SF3A1: variants seen among roughly 807,000 people sequenced by gnomAD.
SF3A1 encodes splicing factor 3a subunit 1.
SF3A1 carries 13 observed loss-of-function variants against 89.9 expected under a neutral mutation model. That is an observed-to-expected ratio of 0.14 (90% CI 0.09 to 0.23). The LOEUF (loss-of-function observed/expected upper bound fraction) is 0.23, where lower values mean the gene tolerates loss of function less well. SF3A1 is among the 10% of genes least tolerant of loss of function. The probability of loss-of-function intolerance (pLI) is 1.00; values close to 1 mark genes in which losing one functional copy is unlikely to be tolerated. For missense variants in SF3A1, 604 were observed against 1,022.1 expected (o/e 0.59, Z 5.58); for synonymous variants, 405 against 374.4 (o/e 1.08, Z -0.94).
chr22:30,336,736 C>T (rs1931078733), intron 13 of SF3A1, among the ~76,000 whole-genome samples: 1 of 152,180 alleles, frequency 6.6e-6, no homozygotes. Context: ...GTTGTGCTGC[C>T]CGTGCTGCTG....
At chr22:30,349,003 T>C (rs908010151) in intron 2 of SF3A1, among the ~76,000 whole-genome samples, 1 of 152,218 alleles carries the variant, frequency 6.6e-6, no homozygotes, top group African/African-American at 2.4e-5. Flanking sequence ...CCAGAAGGAA[T>C]AGATTTCAAC....
chr22:30,342,474 A>G (rs1333107991), intron 5 of SF3A1, 124 bp from the exon 6 acceptor site: 8 of 1,121,288 alleles, frequency 7.1e-6, no homozygotes, highest in Non-Finnish European at 1.0e-5. Context: ...GTATGGTTCC[A>G]AACTATGGCA....
intron 1 of SF3A1, among the ~76,000 whole-genome samples, chr22:30,355,120 G>A (rs1931735505): frequency 6.6e-6 from 1 of 152,004 alleles, no homozygotes; most frequent in African/African-American, 2.4e-5. Flanking sequence ...TGCTTCCCAG[G>A]TTCAAGCAAT....
rs774519141 is a variant in SF3A1, at chr22:30,337,787, C to T, written c.1854G>A (p.Pro618=). The change falls in exon 12 of 16, where the codon CCG becomes CCA. Residue 618 remains proline (P), a synonymous_variant. Transcript: ENST00000215793. The part of the protein sequence containing the change: ...LPPGSVIAPM[P]PIIHAPRINV... ...TGATTCTGGGCGCGTGGATGATGGG[C>T]GGCATGGGGGCGATCACTGAGCCTG... 4.6e-5 allele frequency: 74 copies of T among 1,596,968 alleles called. No homozygotes were observed. Among genetic ancestry groups the T allele is most frequent in the South Asian group, 2.1e-4 (18 of 87,562 alleles).
At chr22:30,337,591 TG>T (rs1601690882) in intron 12 of SF3A1, 98 bp downstream of exon 12, 2 of 736,614 alleles carry the variant, frequency 2.7e-6, no homozygotes, top group African/African-American at 1.7e-5. Context: ...GATACCCTGC[TG>T]GAACAGCTGG....
At chr22:30,352,912 C>G (rs1216152901) in intron 2 of SF3A1, 39 bp downstream of exon 2, 2 of 1,610,858 alleles carry the variant, frequency 1.2e-6, no homozygotes, top group Admixed American at 3.4e-5. Context: ...TCTCTTCATG[C>G]TGAAACCCAC....
At chr22:30,337,395 C>T (rs1002560360) in intron 12 of SF3A1, among the ~76,000 whole-genome samples, 24 of 152,194 alleles carry the variant, frequency 1.6e-4, no homozygotes, top group Admixed American at 1.5e-3. Flanking sequence ...AGGGGCAGGA[C>T]TGATGGATGG....
chr22:30,351,678 T>C (rs1173384706), intron 2 of SF3A1, among the ~76,000 whole-genome samples: 1 of 152,234 alleles, frequency 6.6e-6, no homozygotes, highest in Non-Finnish European at 1.5e-5. Flanking sequence ...CTTTTTATTT[T>C]TTGTAGACAG....
At chr22:30,355,172 C>A (rs1044034769) in intron 1 of SF3A1, among the ~76,000 whole-genome samples, 2 of 152,138 alleles carry the variant, frequency 1.3e-5, no homozygotes, top group Non-Finnish European at 2.9e-5. Flanking sequence ...CACCACCACA[C>A]CTGGCTAATT....
In SF3A1 at chr22:30,345,024, T is replaced by C. The variant is rs1253261461; in HGVS notation, c.560A>G (p.Gln187Arg). The change falls in exon 4 of 16, where the codon CAG (glutamine) becomes CGG (arginine). Residue 187 changes from glutamine (Q) to arginine (R), a missense_variant. Gln to Arg is a conservative substitution (Grantham distance 43). Coordinates refer to ENST00000215793, the MANE Select transcript of SF3A1 (RefSeq NM_005877.6). ...NGRQFLTQLM[Q>R]KEQRNYQFDF... is the part of the protein sequence containing the mutation. ...AAACTGGTAGTTGCGCTGCTCTTTC[T>C]GCATCAGCTGGGTCAGAAACTGGCG... 4.3e-6 allele frequency: 7 copies of C among 1,614,242 alleles called. No homozygotes were observed. Among genetic ancestry groups the C allele is most frequent in the Non-Finnish European group, 5.9e-6 (7 of 1,180,044 alleles).
chr22:30,342,437 C>T, intron 5 of SF3A1, 87 bp from the exon 6 acceptor site: 1 of 1,420,788 alleles, frequency 7.0e-7, no homozygotes, highest in African/African-American at 1.4e-5. Flanking sequence ...TCATCAAAGT[C>T]AGCGCCTCCT....
intron 1 of SF3A1, 52 bp from the exon 2 acceptor site, chr22:30,353,124 G>T (rs770810175): frequency 1.3e-6 from 2 of 1,599,252 alleles, no homozygotes; most frequent in Admixed American, 1.7e-5. Context: ...TTCAGAGCAG[G>T]TTCTCCACTG....
chr22:30,342,990 G>A (rs963951940), intron 4 of SF3A1, 111 bp from the exon 5 acceptor site: 3 of 665,722 alleles, frequency 4.5e-6, no homozygotes, highest in African/African-American at 3.7e-5. Context: ...ATGGGATTCT[G>A]TGTCCCAATC....
chr22:30,337,173 C>T lies in SF3A1; in HGVS notation c.1959G>A (p.Val653=), dbSNP rs748817386. The T allele has an allele frequency of 3.1e-6, 5 of 1,609,246 alleles. No individual in the cohort carries two copies. In the Admixed American group the frequency reaches 6.7e-5, roughly 22 times the overall value. Residue 653 remains valine, a synonymous_variant, in exon 13 of 16, where the codon GTG becomes GTA. Coordinates refer to ENST00000215793, the MANE Select transcript of SF3A1 (RefSeq NM_005877.6). ...PPPMIVPTAF[V]PAPPVAPVPA... The stretch of plus-strand genomic sequence containing the variant: ...GGACAGGTGCCACAGGTGGAGCAGG[C>T]ACAAAGGCTGCAAAGACAAGAATAA...
intron 4 of SF3A1, among the ~76,000 whole-genome samples, chr22:30,343,720 G>T (rs557094588): frequency 6.6e-6 from 1 of 152,348 alleles, no homozygotes; most frequent in South Asian, 2.1e-4. Flanking sequence ...TCCACTGGGA[G>T]AAATTAATCC....
Position 30,337,103 on chromosome 22 carries a change from C to T in SF3A1, c.2029G>A (p.Glu677Lys). The change falls in exon 13 of 16, where the codon GAA (glutamate) becomes AAA (lysine). Residue 677 changes from glutamate to lysine, a missense_variant. Physicochemically the swap from Glu to Lys is moderately conservative, Grantham distance 56 (BLOSUM62 1). Coordinates refer to ENST00000215793, the MANE Select transcript of SF3A1 (RefSeq NM_005877.6). ...MPPVHPPPPM[E>K]DEPTSKKLKT... ...AGTTTTTTGGAGGTGGGCTCATCTT[C>T]CATGGGAGGTGGGGGATGCACAGGG... 1 of 1,614,134 alleles carries T rather than the reference C, an allele frequency of 6.2e-7. No homozygotes were observed. Among genetic ancestry groups the T allele is most frequent in the Non-Finnish European group, 8.5e-7 (1 of 1,180,020 alleles).
intron 1 of SF3A1, among the ~76,000 whole-genome samples, chr22:30,354,688 AG>A (rs1931705555): frequency 6.6e-6 from 1 of 152,180 alleles, no homozygotes. Flanking sequence ...CTCTTTCCTC[AG>A]GAATAGCTAC....
intron 11 of SF3A1, among the ~76,000 whole-genome samples, chr22:30,338,257 G>A (rs1043163133): frequency 2.0e-5 from 3 of 152,076 alleles, no homozygotes; most frequent in East Asian, 1.9e-4. Flanking sequence ...TCGGGAGTTC[G>A]AGACCAGCCT....
Position 30,346,322 on chromosome 22 carries a change from AGCTGCTGCTGGGTGGTCT to A in SF3A1, c.365_382del (p.Gln122_Gln127del). The A allele has an allele frequency of 6.2e-7, 1 of 1,611,754 alleles. No individual in the cohort carries two copies. Among genetic ancestry groups the A allele is most frequent in the Non-Finnish European group, 8.5e-7 (1 of 1,177,944 alleles). On this transcript the variant is annotated inframe_deletion, in exon 3 of 16. Transcript: ENST00000215793. ...CACTGGGCTCCAAACCTTCTGGGGC[AGCTGCTGCTGGGTGGTCT>A]GCTGCTGCTGCTGCATGACCTTGGG...
Sources: gnomAD v4.1 joint callset for allele counts (sites outside exome capture counted in the v4.1 genomes callset) on GRCh38, gnomAD v4.1.1 for gene constraint, MANE v1.5 for transcripts, NCBI Gene and HGNC (gene_info 2026-07-23, HGNC 2026-07-21) for gene names.